MAF: variants seen among roughly 807,000 people sequenced by gnomAD.
MAF encodes MAF bZIP transcription factor.
Under a neutral mutation model 22.0 loss-of-function variants are expected in MAF, and 10 were observed. The observed-to-expected ratio is 0.45, with a 90% CI of 0.28 to 0.77. The LOEUF is 0.77. Among genes scored for constraint, MAF ranks in the 30% least tolerant of loss-of-function variants. The pLI is 0.12. For synonymous variants in MAF, 337 were observed against 255.8 expected (o/e 1.32, Z -3.03); for missense variants, 544 against 548.4 (o/e 0.99, Z 0.08).
the MAF span, among the ~76,000 whole-genome samples, chr16:79,252,436 T>C: frequency 6.6e-6 from 1 of 152,174 alleles, no homozygotes; most frequent in Non-Finnish European, 1.5e-5. Flanking sequence ...ATGTGGCCCA[T>C]GGGCTGTCAT....
At chr16:79,424,913 T>G in the MAF span, among the ~76,000 whole-genome samples, 7,118 of 152,202 alleles carry the variant, frequency 0.047, 364 homozygotes, top group African/African-American at 0.12. Flanking sequence ...AGAATATAGA[T>G]GAACACAGGA....
the MAF span, among the ~76,000 whole-genome samples, chr16:79,347,762 G>C: frequency 6.6e-6 from 1 of 152,230 alleles, no homozygotes; most frequent in East Asian, 1.9e-4. Context: ...AAGAGCTCAG[G>C]GATCTCCTAA....
At chr16:79,334,885 G>GTA in the MAF span, among the ~76,000 whole-genome samples, 1 of 150,142 alleles carries the variant, frequency 6.7e-6, no homozygotes, top group African/African-American at 2.5e-5. Flanking sequence ...GTGTGTGTGT[G>GTA]TTTAAAGAAC....
At chr16:79,438,974 C>T in the MAF span, among the ~76,000 whole-genome samples, 1 of 151,990 alleles carries the variant, frequency 6.6e-6, no homozygotes, top group Non-Finnish European at 1.5e-5. Context: ...ACAATTACAT[C>T]GAAAGAGCCA....
At chr16:79,270,778 C>T in the MAF span, among the ~76,000 whole-genome samples, 54 of 152,270 alleles carry the variant, frequency 3.5e-4, no homozygotes, top group African/African-American at 1.2e-3. Context: ...TCACTGAGTG[C>T]GTCTAAGCAG....
the MAF span, among the ~76,000 whole-genome samples, chr16:79,424,701 G>T: frequency 6.6e-6 from 1 of 152,110 alleles, no homozygotes; most frequent in African/African-American, 2.4e-5. Flanking sequence ...TGAGACTGTT[G>T]GAAAGATGGT....
the MAF span, among the ~76,000 whole-genome samples, chr16:79,553,740 A>G: frequency 6.6e-6 from 1 of 152,188 alleles, no homozygotes; most frequent in Non-Finnish European, 1.5e-5. Context: ...ACGGTTCTAC[A>G]GTTCTCTTCC....
the MAF span, among the ~76,000 whole-genome samples, chr16:79,396,960 G>A: frequency 6.6e-6 from 1 of 152,232 alleles, no homozygotes; most frequent in African/African-American, 2.4e-5. Flanking sequence ...AGGCCAGCTG[G>A]CCTTGCACAA....
At chr16:79,267,383 C>T in the MAF span, among the ~76,000 whole-genome samples, 7 of 152,098 alleles carry the variant, frequency 4.6e-5, no homozygotes, top group African/African-American at 7.2e-5. Context: ...AGGAGATACA[C>T]GAAAAGTGTG....
At chr16:79,478,367 C>T in the MAF span, among the ~76,000 whole-genome samples, 1 of 152,146 alleles carries the variant, frequency 6.6e-6, no homozygotes, top group Admixed American at 6.5e-5. Context: ...TGCTCAAGGT[C>T]AAATGGCCAA....
the MAF span, among the ~76,000 whole-genome samples, chr16:79,394,078 C>T: frequency 3.3e-5 from 5 of 152,286 alleles, no homozygotes; most frequent in East Asian, 1.9e-4. Context: ...CTAAAGTTCA[C>T]GTTCTTCACC....
At chr16:79,376,730 A>G in the MAF span, among the ~76,000 whole-genome samples, 1 of 151,752 alleles carries the variant, frequency 6.6e-6, no homozygotes, top group Admixed American at 6.6e-5. Context: ...TCCTGTGTCC[A>G]TGTGTTATTG....
At chr16:79,567,873 C>T in the MAF span, among the ~76,000 whole-genome samples, 2 of 152,224 alleles carry the variant, frequency 1.3e-5, no homozygotes, top group Non-Finnish European at 2.9e-5. Flanking sequence ...TTTTATAAGG[C>T]TCTAAAGGTG....
chr16:79,332,038 C>G, the MAF span, among the ~76,000 whole-genome samples: 2 of 152,164 alleles, frequency 1.3e-5, no homozygotes, highest in Non-Finnish European at 2.9e-5. Flanking sequence ...TCTAGGAGGG[C>G]AGAAACTTTG....
chr16:79,542,133 G>A, the MAF span, among the ~76,000 whole-genome samples: 451 of 152,246 alleles, frequency 3.0e-3, 5 homozygotes, highest in African/African-American at 0.01. Flanking sequence ...ACAATTCAGC[G>A]GCAGGTGACC....
chr16:79,388,241 T>C, the MAF span, among the ~76,000 whole-genome samples: 7 of 135,200 alleles, frequency 5.2e-5, no homozygotes, highest in East Asian at 2.2e-4. Flanking sequence ...TGTGTGCCGA[T>C]GTGGCCCGCG....
At chr16:79,520,883 C>T in the MAF span, among the ~76,000 whole-genome samples, 7 of 152,134 alleles carry the variant, frequency 4.6e-5, no homozygotes, top group Non-Finnish European at 1.0e-4. Flanking sequence ...CTGCTAAGTG[C>T]TTCATTTGCT....
the MAF span, among the ~76,000 whole-genome samples, chr16:79,545,179 G>C: frequency 1.4e-4 from 21 of 151,954 alleles, no homozygotes; most frequent in African/African-American, 5.1e-4. Context: ...AAATAATGTG[G>C]AGGAAAAAAA....
At chr16:79,212,497 A>C in the MAF span, 1 of 217,296 alleles carries the variant, frequency 4.6e-6, no homozygotes, top group South Asian at 9.1e-5. Flanking sequence ...GCAGGAAGGG[A>C]AGCGTATATA....
Sources: gnomAD v4.1 joint callset for allele counts (sites outside exome capture counted in the v4.1 genomes callset) on GRCh38, gnomAD v4.1.1 for gene constraint, MANE v1.5 for transcripts, NCBI Gene and HGNC (gene_info 2026-07-23, HGNC 2026-07-21) for gene names.